The following FLT3 variants were observed in gnomAD, a reference collection of about 807,000 sequenced individuals.
FLT3 encodes receptor-type tyrosine-protein kinase FLT3.
Under a neutral mutation model 126.6 loss-of-function variants are expected in FLT3, and 46 were observed. The observed-to-expected ratio is 0.36, with a 90% CI of 0.29 to 0.46. FLT3 has a LOEUF of 0.46. FLT3 is among the 20% of genes least tolerant of loss of function. The pLI, the probability that FLT3 is intolerant of heterozygous loss-of-function variation, is 1.00. For synonymous variants in FLT3, 404 were observed against 434.4 expected, an observed-to-expected ratio of 0.93 and a Z score of 0.87; for missense variants, 1,069 against 1,190.3, an observed-to-expected ratio of 0.90 and a Z score of 1.50.
At chr13:28,029,732 A>G (rs1873145833) in intron 15 of FLT3, among the ~76,000 whole-genome samples, 2 of 152,226 alleles carry the variant, frequency 1.3e-5, no homozygotes, top group African/African-American at 2.4e-5. Context: ...AAAGAGGACT[A>G]ATTCCCACTA....
chr13:28,046,989 A>G (rs748299409), intron 9 of FLT3, among the ~76,000 whole-genome samples: 2 of 152,120 alleles, frequency 1.3e-5, no homozygotes, highest in Non-Finnish European at 2.9e-5. Context: ...GTACATCTCA[A>G]TTTGGACCAG....
At chr13:28,093,292 G>T (rs1379075464) in intron 1 of FLT3, among the ~76,000 whole-genome samples, 1 of 151,026 alleles carries the variant, frequency 6.6e-6, no homozygotes, top group African/African-American at 2.4e-5. Flanking sequence ...GAACTCTTGG[G>T]CTCAAGCGAG....
At chr13:28,040,511 T>C (rs1202782217) in intron 9 of FLT3, among the ~76,000 whole-genome samples, 1 of 150,646 alleles carries the variant, frequency 6.6e-6, no homozygotes, top group Non-Finnish European at 1.5e-5. Context: ...AGACCAGCCT[T>C]GGCAATCTAC....
intron 19 of FLT3, among the ~76,000 whole-genome samples, chr13:28,020,521 A>G (rs1872292687): frequency 6.6e-6 from 1 of 151,804 alleles, no homozygotes. Context: ...CTGTTTTTCT[A>G]TTCTTAGTAG....
chr13:28,007,826 T>C (rs1188438185), intron 23 of FLT3, among the ~76,000 whole-genome samples: 1 of 152,214 alleles, frequency 6.6e-6, no homozygotes, highest in African/African-American at 2.4e-5. Flanking sequence ...GTAAACTCTA[T>C]GATTAAATAC....
intron 1 of FLT3, among the ~76,000 whole-genome samples, chr13:28,082,450 A>C (rs1383898676): frequency 6.6e-6 from 1 of 151,966 alleles, no homozygotes; most frequent in Admixed American, 6.6e-5. Context: ...GGCATGAGCC[A>C]CTGTGCCTAG....
intron 23 of FLT3, among the ~76,000 whole-genome samples, chr13:28,011,725 CTCTCTTTCTT>C (rs1871400691): frequency 1.6e-5 from 1 of 61,188 alleles, no homozygotes; most frequent in Non-Finnish European, 3.8e-5. Context: ...TTCTTTCTTT[CTCTCTTTCTT>C]CTTTCTTTTT....
At chr13:28,080,109 C>T (rs1878221334) in intron 1 of FLT3, among the ~76,000 whole-genome samples, 1 of 152,252 alleles carries the variant, frequency 6.6e-6, no homozygotes, top group Non-Finnish European at 1.5e-5. Flanking sequence ...GGCACGGTGG[C>T]TCATGCCTGT....
chr13:28,048,172 A>G lies in FLT3; in HGVS notation c.1205+103T>C, dbSNP rs146937994. The G allele has an allele frequency of 1.5e-4, 124 of 834,882 alleles. 3 individuals are homozygous for G. The Middle Eastern group carries it at 3.3e-3, about 22-fold the overall frequency. The allele number at this position is 834,882 out of a possible 1,614,324, so 51.7% of individuals were successfully genotyped here. A position where few individuals can be genotyped will look rare whatever the true frequency, so the allele number is the denominator to read the frequency against. On this transcript the variant is annotated intron_variant, in intron 9 of 23. Transcript: ENST00000241453. The stretch of plus-strand genomic sequence containing the variant: ...TTTCAACTCAATAATAGTTAAACTC[A>G]TAAGTGAATTTGCTTCCATAAGTAT...
chr13:28,054,453 G>A (rs1221798727), intron 4 of FLT3, among the ~76,000 whole-genome samples: 1 of 151,724 alleles, frequency 6.6e-6, no homozygotes, highest in East Asian at 1.9e-4. Flanking sequence ...CGGGCAAGGT[G>A]GCTCACGCCT....
At chr13:28,032,786 A>C (rs909592631) in intron 15 of FLT3, among the ~76,000 whole-genome samples, 11 of 152,254 alleles carry the variant, frequency 7.2e-5, no homozygotes, top group African/African-American at 2.4e-4. Flanking sequence ...CCAAAGAAAG[A>C]AAGCTTCTGG....
chr13:28,055,919 G>A (rs1031616629), intron 4 of FLT3, among the ~76,000 whole-genome samples: 1 of 152,182 alleles, frequency 6.6e-6, no homozygotes, highest in East Asian at 1.9e-4. Flanking sequence ...GAACATGACC[G>A]ACATTAAAGA....
chr13:28,022,074 G>T, intron 19 of FLT3, among the ~76,000 whole-genome samples: 1 of 151,970 alleles, frequency 6.6e-6, no homozygotes, highest in Admixed American at 6.6e-5. Flanking sequence ...GACTTGCTCT[G>T]TCACCCAGGA....
At chr13:28,085,059 G>A (rs1160345503) in intron 1 of FLT3, among the ~76,000 whole-genome samples, 1 of 151,404 alleles carries the variant, frequency 6.6e-6, no homozygotes, top group Non-Finnish European at 1.5e-5. Flanking sequence ...CTGAAAAGAT[G>A]TGCAAGCCGG....
Position 28,035,614 on chromosome 13 carries a change from C to A in FLT3, c.1478G>T (p.Gly493Val), listed in dbSNP as rs141942072. 25 of 1,614,028 alleles carry A rather than the reference C, an allele frequency of 1.5e-5. No individual in the cohort carries two copies. In the African/African-American group the frequency reaches 3.3e-4, roughly 22 times the overall value. The change falls in exon 12 of 24, where the codon GGA (glycine) becomes GTA (valine). Residue 493 changes from glycine (G) to valine (V), a missense_variant. By Grantham distance (109) the Gly-to-Val change is moderately radical. Coordinates refer to ENST00000241453, the MANE Select transcript of FLT3 (RefSeq NM_004119.3). ...TAGAGTACTGCTCGACACCCACTGT[C>A]CAAACACTTTTCTGTTAGCCTTTCT... ...WNRKANRKVF[G>V]QWVSSSTLNM...
chr13:28,019,924 A>G (rs897699098), intron 19 of FLT3, among the ~76,000 whole-genome samples: 1 of 152,084 alleles, frequency 6.6e-6, no homozygotes, highest in Admixed American at 6.5e-5. Flanking sequence ...CCACACCCTC[A>G]CCCAAGCCAT....
At chr13:28,091,501 G>A (rs1338463232) in intron 1 of FLT3, among the ~76,000 whole-genome samples, 3 of 151,930 alleles carry the variant, frequency 2.0e-5, no homozygotes, top group Non-Finnish European at 4.4e-5. Context: ...GATTACAGGC[G>A]TGAGCCACCG....
chr13:28,072,509 G>A (rs150431326), intron 1 of FLT3, among the ~76,000 whole-genome samples: 10,540 of 152,048 alleles, frequency 0.069, 1,227 homozygotes, highest in African/African-American at 0.24. Context: ...TGATTCTCCT[G>A]CCTCAGCCTC....
chr13:28,050,054 C>G, intron 6 of FLT3, 41 bp downstream of exon 6: 2 of 1,604,180 alleles, frequency 1.2e-6, no homozygotes, highest in Non-Finnish European at 1.7e-6. Flanking sequence ...TTGCTAAGAA[C>G]CGGTCACTGA....
Sources: allele counts gnomAD v4.1 joint callset (sites outside exome capture counted in the v4.1 genomes callset), GRCh38; gene constraint gnomAD v4.1.1; transcripts MANE v1.5; gene names NCBI Gene and HGNC (gene_info 2026-07-23, HGNC 2026-07-21).